Variants in ARHGAP32 observed in about 807,000 individuals in gnomAD.
ARHGAP32 encodes the protein Rho GTPase activating protein 32, also known as rho GTPase-activating protein 32.
In ARHGAP32, 51 loss-of-function variants were observed where a neutral mutation model predicts 186.5. The observed-to-expected ratio is 0.27, with a 90% confidence interval of 0.22 to 0.35. The LOEUF (loss-of-function observed/expected upper bound fraction) is 0.35. Ranked by LOEUF, ARHGAP32 falls within the 10% of genes least tolerant of loss-of-function variation. The pLI, the probability that ARHGAP32 is intolerant of heterozygous loss-of-function variation, is 1.00. For synonymous variants in ARHGAP32, 950 were observed against 964.3 expected, an observed-to-expected ratio of 0.99 and a Z score of 0.27; for missense variants, 2,186 against 2,623.5, an observed-to-expected ratio of 0.83 and a Z score of 3.64.
chr11:129,128,230 T>C (rs909316367), intron 2 of ARHGAP32, among the ~76,000 whole-genome samples: 5 of 152,216 alleles, frequency 3.3e-5, no homozygotes, highest in Admixed American at 3.3e-4. Flanking sequence ...TTGGGGCATT[T>C]CATTATATTT....
intron 1 of ARHGAP32, among the ~76,000 whole-genome samples, chr11:129,189,873 T>C (rs1472582596): frequency 6.6e-6 from 1 of 152,198 alleles, no homozygotes; most frequent in Non-Finnish European, 1.5e-5. Context: ...GCCTACATTC[T>C]AGGTGTGGTA....
chr11:129,147,030 A>G (rs1943180935), intron 2 of ARHGAP32, among the ~76,000 whole-genome samples: 1 of 152,074 alleles, frequency 6.6e-6, no homozygotes, highest in East Asian at 1.9e-4. Flanking sequence ...GAGAAATGGT[A>G]GTAAAATTGT....
Position 129,225,314 on chromosome 11 carries a change from G to C in ARHGAP32, c.-5+53832C>G, listed in dbSNP as rs577641375. 2.8e-4 allele frequency among the ~76,000 whole-genome samples: 42 copies of C among 152,220 alleles called. No homozygotes were observed. The South Asian group carries it at 8.7e-3, about 32-fold the overall frequency. ...ATGTACAGGGCTGTGTGTATGCTCA[G>C]AACTGTGTACATGCTCAAAGAAGTC... is the stretch of plus-strand genomic sequence containing the variant. On this transcript the variant is annotated intron_variant, in intron 1 of 6. Transcript: ENST00000525234.
At chr11:128,980,503 G>T in intron 18 of ARHGAP32, 50 bp downstream of exon 18, 1 of 1,419,150 alleles carries the variant, frequency 7.0e-7, no homozygotes, top group South Asian at 1.3e-5. Context: ...GAAAATAATA[G>T]GACATAGCTA....
At chr11:129,088,490 G>C (rs1284829290) in intron 6 of ARHGAP32, among the ~76,000 whole-genome samples, 1 of 152,074 alleles carries the variant, frequency 6.6e-6, no homozygotes, top group East Asian at 1.9e-4. Context: ...TGAGGCAGGA[G>C]AATCACTTGA....
intron 15 of ARHGAP32, among the ~76,000 whole-genome samples, chr11:128,984,374 CA>C (rs1008089613): frequency 9.5e-4 from 124 of 130,074 alleles, no homozygotes; most frequent in Non-Finnish European, 7.1e-4. Context: ...GACCCTGCCT[CA>C]AAAAAAAAAA....
intron 1 of ARHGAP32, among the ~76,000 whole-genome samples, chr11:129,244,982 C>A (rs968053967): frequency 1.9e-4 from 29 of 151,968 alleles, no homozygotes; most frequent in Middle Eastern, 3.4e-3. Context: ...CAAATAGGAA[C>A]ACTTTTACAC....
At position 129,143,072 on chromosome 11, in the gene ARHGAP32, C is replaced by CATAT. The variant is rs145242519; in HGVS notation, c.226-18182_226-18179dup. On this transcript the variant is annotated intron_variant, in intron 2 of 22. Coordinates refer to ENST00000682385, the MANE Select transcript of ARHGAP32 (RefSeq NM_001378024.1). ...AGCTGTCTATATGCTGGTAAAACTGCATATATATATATATATAATCAACTG... is the reference window on the plus strand; with the variant it reads ...AGCTGTCTATATGCTGGTAAAACTGCATATATATATATATATATATAATCAACTG... 2.7e-3 allele frequency among the ~76,000 whole-genome samples: 299 copies of CATAT among 112,464 alleles called. 15 individuals carry two copies. The highest frequency in any genetic ancestry group is 8.8e-3 in the African/African-American group (264 of 30,168). 73.8% of individuals were successfully genotyped at this position (112,464 alleles called of 152,430 possible).
chr11:128,974,093 TAA>T, intron 21 of ARHGAP32, 29 bp downstream of exon 21: 1 of 1,606,330 alleles, frequency 6.2e-7, no homozygotes, highest in Non-Finnish European at 8.5e-7. Context: ...CCTCTTAACT[TAA>T]AGAAAGAATG....
At chr11:128,992,006 C>T (rs759548062) in intron 12 of ARHGAP32, among the ~76,000 whole-genome samples, 9 of 151,984 alleles carry the variant, frequency 5.9e-5, no homozygotes, top group East Asian at 3.9e-4. Flanking sequence ...CAGATACAGA[C>T]GAAAAAGCTG....
At chr11:129,001,731 T>TA (rs1946364183) in intron 11 of ARHGAP32, among the ~76,000 whole-genome samples, 1 of 152,196 alleles carries the variant, frequency 6.6e-6, no homozygotes, top group African/African-American at 2.4e-5. Context: ...TTTAGTAGTT[T>TA]TATAGTTTGA....
intron 1 of ARHGAP32, among the ~76,000 whole-genome samples, chr11:129,222,935 C>T (rs907535763): frequency 2.0e-5 from 3 of 152,092 alleles, no homozygotes; most frequent in African/African-American, 7.2e-5. Flanking sequence ...TAGTGCAGTG[C>T]TGTGTCATAC....
intron 1 of ARHGAP32, among the ~76,000 whole-genome samples, chr11:129,262,538 C>T (rs1289986289): frequency 6.6e-6 from 1 of 152,042 alleles, no homozygotes; most frequent in African/African-American, 2.4e-5. Context: ...CATATGCCAC[C>T]ATACCTGGCT....
intron 5 of ARHGAP32, among the ~76,000 whole-genome samples, chr11:129,119,071 C>A (rs1942451556): frequency 6.6e-6 from 1 of 151,960 alleles, no homozygotes; most frequent in South Asian, 2.1e-4. Context: ...TATCCTCCCC[C>A]GTGCTGTTAT....
chr11:128,966,406 G>T lies in ARHGAP32; in HGVS notation c.*2501C>A, dbSNP rs1430276065. ...GTTTCCACCCCACAACATTAGAAAG[G>T]GAAAGATGCCGGAAAAGTGTTTCAA... On this transcript the variant is annotated 3_prime_UTR_variant, in exon 23 of 23. Coordinates refer to ENST00000682385, the MANE Select transcript of ARHGAP32 (RefSeq NM_001378024.1). 1 of 152,154 alleles carries T rather than the reference G, an allele frequency of 6.6e-6. No homozygotes were observed. The highest frequency in any genetic ancestry group is 1.5e-5 in the Non-Finnish European group (1 of 68,032). The allele number at this position is 152,154 out of a possible 1,614,324, so 9.4% of individuals were successfully genotyped here.
At chr11:129,064,662 G>C (rs774731494) in intron 8 of ARHGAP32, among the ~76,000 whole-genome samples, 179 bp downstream of exon 8, 5 of 152,066 alleles carry the variant, frequency 3.3e-5, no homozygotes, top group Admixed American at 6.6e-5. Context: ...GATTATCAAA[G>C]AAAGATTTGA....
intron 1 of ARHGAP32, among the ~76,000 whole-genome samples, chr11:129,271,604 A>T (rs1035211447): frequency 6.6e-6 from 1 of 152,172 alleles, no homozygotes; most frequent in African/African-American, 2.4e-5. Flanking sequence ...CAGTACTAGA[A>T]ATAAGAATTT....
Position 129,177,732 on chromosome 11 carries a change from C to T in ARHGAP32, c.117-13305G>A, listed in dbSNP as rs567245675. Among the ~76,000 whole-genome samples the T allele has an allele frequency of 1.5e-3, 234 of 152,248 alleles. 1 individual carries two copies. The highest frequency in any genetic ancestry group is 2.9e-3 in the South Asian group (14 of 4,818). ...TGCAGAAAAGGCCTTTGACAAAATTCAACAGCCCTTCATGCTAAAAACTCT... is the reference window on the plus strand; with the variant it reads ...TGCAGAAAAGGCCTTTGACAAAATTTAACAGCCCTTCATGCTAAAAACTCT... On this transcript the variant is annotated intron_variant, in intron 1 of 22. Transcript: ENST00000682385.
intron 10 of ARHGAP32, among the ~76,000 whole-genome samples, chr11:129,059,984 G>T (rs934379170): frequency 6.6e-6 from 1 of 152,000 alleles, no homozygotes; most frequent in Non-Finnish European, 1.5e-5. Flanking sequence ...TTTCATTATC[G>T]GTTACAAATC....
Sources: allele counts gnomAD v4.1 joint callset (sites outside exome capture counted in the v4.1 genomes callset), GRCh38; gene constraint gnomAD v4.1.1; transcripts MANE v1.5; gene names NCBI Gene and HGNC (gene_info 2026-07-23, HGNC 2026-07-21).